Variants in NXPH1 observed in about 807,000 individuals in gnomAD.
NXPH1 encodes neurexophilin-1.
NXPH1 carries 5 observed loss-of-function variants against 23.7 expected under a neutral mutation model. The ratio of observed to expected loss-of-function variants is 0.21; its 90% confidence interval spans 0.11 to 0.44. The LOEUF is 0.44. NXPH1 is among the 20% of genes least tolerant of loss of function. The pLI is 0.99. For missense variants in NXPH1, 324 were observed against 321.6 expected, an observed-to-expected ratio of 1.01 and a Z score of -0.06; for synonymous variants, 144 against 122.2, an observed-to-expected ratio of 1.18 and a Z score of -1.18.
intron 2 of NXPH1, among the ~76,000 whole-genome samples, chr7:8,670,040 A>G (rs1410541848): frequency 1.3e-5 from 2 of 152,228 alleles, no homozygotes; most frequent in Admixed American, 6.5e-5. Flanking sequence ...AATATTTTCT[A>G]TTATAAACAA....
chr7:8,723,773 G>C (rs1433591151), intron 2 of NXPH1, among the ~76,000 whole-genome samples: 1 of 152,152 alleles, frequency 6.6e-6, no homozygotes, highest in Non-Finnish European at 1.5e-5. Context: ...TAGATAATGC[G>C]GAGTTAGCTT....
rs112334409 is a variant in NXPH1, at chr7:8,580,976, GA to G, written c.54+145210del. ...TTCTAGTCCTCTAGTGTTTCTGAAT[GA>G]GTGCTCATCCCTGAGAAATGCTAAA... On this transcript the variant is annotated intron_variant, in intron 2 of 2. Coordinates refer to ENST00000405863, the MANE Select transcript of NXPH1 (RefSeq NM_152745.3). 5.0e-3 allele frequency among the ~76,000 whole-genome samples: 758 copies of G among 152,216 alleles called. 12 individuals are homozygous for G. Among genetic ancestry groups the G allele is most frequent in the African/African-American group, 0.017 (715 of 41,488 alleles).
chr7:8,632,171 C>T (rs1458112801), intron 2 of NXPH1, among the ~76,000 whole-genome samples: 1 of 151,978 alleles, frequency 6.6e-6, no homozygotes, highest in Non-Finnish European at 1.5e-5. Context: ...TGAGTGTTTA[C>T]TAATAATTAA....
chr7:8,681,973 A>G (rs561039418), intron 2 of NXPH1, among the ~76,000 whole-genome samples: 2 of 152,168 alleles, frequency 1.3e-5, no homozygotes, highest in Non-Finnish European at 2.9e-5. Flanking sequence ...CCTCAGGGCA[A>G]TTATCAGGAG....
At chr7:8,673,790 T>C (rs1820907936) in intron 2 of NXPH1, among the ~76,000 whole-genome samples, 2 of 152,052 alleles carry the variant, frequency 1.3e-5, no homozygotes, top group South Asian at 4.1e-4. Context: ...TTATTAGTAG[T>C]AGTAGCTACA....
At chr7:8,609,925 A>C (rs1819579541) in intron 2 of NXPH1, among the ~76,000 whole-genome samples, 1 of 152,126 alleles carries the variant, frequency 6.6e-6, no homozygotes, top group Non-Finnish European at 1.5e-5. Flanking sequence ...TCAGATTTTC[A>C]AATCCCTTGG....
rs572584054 is a variant in NXPH1 at position 8,621,925 on chromosome 7, C to T, written c.55-129083C>T. Among the ~76,000 whole-genome samples, 222 of 152,240 alleles carry T rather than the reference C, an allele frequency of 1.5e-3. 1 individual carries two copies. Among genetic ancestry groups the T allele is most frequent in the Admixed American group, 3.5e-3 (53 of 15,298 alleles). On this transcript the variant is annotated intron_variant, in intron 2 of 2. Transcript: ENST00000405863. ...CCAAGGACAGTCTGCCTCTGAAGACCGTGCAGTTGCTCTGGCCATGAAATT... is the reference window on the plus strand; with the variant it reads ...CCAAGGACAGTCTGCCTCTGAAGACTGTGCAGTTGCTCTGGCCATGAAATT...
intron 2 of NXPH1, among the ~76,000 whole-genome samples, chr7:8,556,158 T>C (rs546347244): frequency 5.3e-5 from 8 of 151,592 alleles, no homozygotes; most frequent in Non-Finnish European, 8.9e-5. Flanking sequence ...TAAGTATCTT[T>C]ATAATGGGCC....
intron 2 of NXPH1, among the ~76,000 whole-genome samples, chr7:8,534,255 G>C (rs1817993258): frequency 1.3e-5 from 2 of 152,074 alleles, no homozygotes; most frequent in Non-Finnish European, 2.9e-5. Context: ...TGAAGTCGGA[G>C]AAGGAAATGT....
chr7:8,590,085 C>T (rs2128625197), intron 2 of NXPH1, among the ~76,000 whole-genome samples: 1 of 152,140 alleles, frequency 6.6e-6, no homozygotes, highest in African/African-American at 2.4e-5. Flanking sequence ...AACCTGAAGC[C>T]TTGACCCATG....
At chr7:8,670,500 G>T (rs897014700) in intron 2 of NXPH1, among the ~76,000 whole-genome samples, 3 of 152,134 alleles carry the variant, frequency 2.0e-5, no homozygotes, top group Non-Finnish European at 2.9e-5. Context: ...TCCAAGCAAA[G>T]CTTCTCATGT....
chr7:8,476,582 T>G (rs1188386763), intron 2 of NXPH1, among the ~76,000 whole-genome samples: 1 of 151,796 alleles, frequency 6.6e-6, no homozygotes, highest in Non-Finnish European at 1.5e-5. Flanking sequence ...GTTATGTTGT[T>G]TTTTAATGAT....
intron 2 of NXPH1, among the ~76,000 whole-genome samples, chr7:8,689,101 C>T (rs1427432294): frequency 6.6e-6 from 1 of 152,048 alleles, no homozygotes; most frequent in African/African-American, 2.4e-5. Flanking sequence ...ACGTATTGTG[C>T]CATTCATTAT....
At chr7:8,697,393 G>T (rs12536578) in intron 2 of NXPH1, among the ~76,000 whole-genome samples, 12,281 of 152,128 alleles carry the variant, frequency 0.081, 748 homozygotes, top group East Asian at 0.17. Context: ...CCAGTTAGGT[G>T]TCCTATGAAA....
chr7:8,495,395 T>C (rs1483586908), intron 2 of NXPH1, among the ~76,000 whole-genome samples: 1 of 149,882 alleles, frequency 6.7e-6, no homozygotes, highest in Non-Finnish European at 1.5e-5. Flanking sequence ...CACAGCAACA[T>C]TGAGGCTTGT....
chr7:8,621,115 A>G (rs77656922), intron 2 of NXPH1, among the ~76,000 whole-genome samples: 4,793 of 152,282 alleles, frequency 0.031, 257 homozygotes, highest in East Asian at 0.17. Context: ...TAATGGAAAG[A>G]AAATTAAATT....
intron 2 of NXPH1, among the ~76,000 whole-genome samples, chr7:8,733,213 C>T (rs1209173290): frequency 6.6e-6 from 1 of 152,102 alleles, no homozygotes; most frequent in Non-Finnish European, 1.5e-5. Flanking sequence ...TGAACTCATC[C>T]TTTTTTATAG....
intron 2 of NXPH1, among the ~76,000 whole-genome samples, chr7:8,733,433 C>G (rs528035020): frequency 1.3e-5 from 2 of 152,260 alleles, no homozygotes; most frequent in Admixed American, 6.5e-5. Context: ...ATTTCTGGTT[C>G]TAGATCCTTG....
Position 8,675,285 on chromosome 7 carries a change from A to G in NXPH1, c.55-75723A>G, listed in dbSNP as rs571432203. On this transcript the variant is annotated intron_variant, in intron 2 of 2. Coordinates refer to ENST00000405863, the MANE Select transcript of NXPH1 (RefSeq NM_152745.3). ...TATACATAAATTTCTGTAATGTAAC[A>G]TCTGTTTAATAATTTTTATTTTATT... Among the ~76,000 whole-genome samples, 17 of 151,950 alleles carry G rather than the reference A, an allele frequency of 1.1e-4. 2 individuals carry two copies. The highest frequency in any genetic ancestry group is 3.9e-4 in the African/African-American group (16 of 41,546).
Sources: gnomAD v4.1 joint callset for allele counts (sites outside exome capture counted in the v4.1 genomes callset) on GRCh38, gnomAD v4.1.1 for gene constraint, MANE v1.5 for transcripts, NCBI Gene and HGNC (gene_info 2026-07-23, HGNC 2026-07-21) for gene names.